Variants in PRKG1 observed in about 807,000 individuals in gnomAD.
PRKG1 encodes the protein cGMP-dependent protein kinase 1.
PRKG1 carries 35 observed loss-of-function variants against 88.1 expected under a neutral mutation model. That is an observed-to-expected ratio of 0.40 (90% CI 0.30 to 0.53). The LOEUF (loss-of-function observed/expected upper bound fraction) is 0.53. Among genes scored for constraint, PRKG1 ranks in the 20% least tolerant of loss-of-function variants. The pLI is 0.59. For missense variants in PRKG1, 540 were observed against 839.8 expected (o/e 0.64, Z 4.41); for synonymous variants, 303 against 292.5 (o/e 1.04, Z -0.37).
At chr10:51,325,874 T>C (rs1841578524) in intron 2 of PRKG1, among the ~76,000 whole-genome samples, 1 of 152,040 alleles carries the variant, frequency 6.6e-6, no homozygotes, top group African/African-American at 2.4e-5. Flanking sequence ...TCTACTGCAT[T>C]CCATCTGTGC....
intron 5 of PRKG1, among the ~76,000 whole-genome samples, chr10:52,043,762 A>ATG (rs1367102319): frequency 6.6e-6 from 1 of 151,988 alleles, no homozygotes; most frequent in Non-Finnish European, 1.5e-5. Flanking sequence ...AACATTACAC[A>ATG]TGTATATATA....
intron 3 of PRKG1, among the ~76,000 whole-genome samples, chr10:51,517,174 G>T (rs1047386855): frequency 2.6e-5 from 4 of 152,204 alleles, no homozygotes; most frequent in Non-Finnish European, 5.9e-5. Context: ...AAGATCAGAA[G>T]AAACAGTTAC....
chr10:51,477,222 G>C (rs760343758), intron 3 of PRKG1, among the ~76,000 whole-genome samples: 2 of 151,388 alleles, frequency 1.3e-5, no homozygotes, highest in Non-Finnish European at 2.9e-5. Flanking sequence ...ACTCTCTGGG[G>C]AGCATCACTG....
chr10:51,997,330 G>C (rs1167304849), intron 5 of PRKG1, among the ~76,000 whole-genome samples: 1 of 151,866 alleles, frequency 6.6e-6, no homozygotes, highest in Non-Finnish European at 1.5e-5. Context: ...AATTAGCTGG[G>C]CGTGGTGGTG....
intron 2 of PRKG1, among the ~76,000 whole-genome samples, chr10:51,258,105 C>T (rs537033305): frequency 3.3e-5 from 5 of 152,242 alleles, no homozygotes; most frequent in East Asian, 3.9e-4. Flanking sequence ...GAAGCACAGA[C>T]GGGAGCTAAT....
At position 52,270,538 on chromosome 10, in the gene PRKG1, C is replaced by T. The variant is rs1841695686; in HGVS notation, c.1174-812C>T. ...ATATACACCATGGAATACTATGCAG[C>T]CATAAAAAATGATGAGTTCATGTCC... On this transcript the variant is annotated intron_variant, in intron 10 of 17. Coordinates refer to ENST00000373980, the MANE Select transcript of PRKG1 (RefSeq NM_006258.4). 2.6e-5 allele frequency among the ~76,000 whole-genome samples: 4 copies of T among 151,932 alleles called. No individual in the cohort carries two copies. In the South Asian group the frequency reaches 8.3e-4, roughly 32 times the overall value.
chr10:51,464,605 G>A (rs1008492550), intron 2 of PRKG1, among the ~76,000 whole-genome samples: 35 of 152,024 alleles, frequency 2.3e-4, no homozygotes, highest in African/African-American at 8.2e-4. Context: ...TATAAGATAA[G>A]ATCAGGCCGG....
At chr10:51,771,638 A>G (rs1056926668) in intron 3 of PRKG1, among the ~76,000 whole-genome samples, 12 of 152,206 alleles carry the variant, frequency 7.9e-5, no homozygotes, top group African/African-American at 2.7e-4. Flanking sequence ...ATATAACATC[A>G]TTAAATAAAT....
intron 12 of PRKG1, among the ~76,000 whole-genome samples, chr10:52,275,809 G>T (rs1352710813): frequency 6.6e-6 from 1 of 152,124 alleles, no homozygotes; most frequent in Non-Finnish European, 1.5e-5. Flanking sequence ...CCACACATGA[G>T]CATGGGATGT....
intron 3 of PRKG1, among the ~76,000 whole-genome samples, chr10:51,481,086 C>T (rs1840341960): frequency 6.6e-6 from 1 of 151,918 alleles, no homozygotes; most frequent in Non-Finnish European, 1.5e-5. Flanking sequence ...TGAAAAAAGT[C>T]AATTTGCTAT....
intron 2 of PRKG1, among the ~76,000 whole-genome samples, chr10:51,167,096 G>A (rs1846566354): frequency 6.6e-6 from 1 of 152,112 alleles, no homozygotes; most frequent in African/African-American, 2.4e-5. Context: ...TGGTGATGGT[G>A]GCAGGGGAAA....
At chr10:51,090,377 C>A (rs1844371080) in intron 1 of PRKG1, among the ~76,000 whole-genome samples, 1 of 152,148 alleles carries the variant, frequency 6.6e-6, no homozygotes, top group Admixed American at 6.6e-5. Context: ...CTGAGTATGA[C>A]TCAGAGGAAG....
intron 8 of PRKG1, 94 bp from the exon 9 acceptor site, chr10:52,161,795 A>T: frequency 9.9e-7 from 1 of 1,011,210 alleles, no homozygotes; most frequent in Non-Finnish European, 1.5e-6. Flanking sequence ...ACTTTTCTTT[A>T]GATGTCTTTA....
rs936699751 is a variant in PRKG1 at position 51,616,234 on chromosome 10, G to A, written c.592+148398G>A. ...TGAGTATACACATCCTTGAGCACCA[G>A]GGTGGTGTATACCTGCACTGGAGCT... On this transcript the variant is annotated intron_variant, in intron 3 of 17. Coordinates refer to ENST00000373980, the MANE Select transcript of PRKG1 (RefSeq NM_006258.4). Among the ~76,000 whole-genome samples the A allele has an allele frequency of 7.9e-5, 12 of 152,198 alleles. 1 individual carries two copies. The highest frequency in any genetic ancestry group is 7.9e-4 in the Admixed American group (12 of 15,280).
At chr10:52,055,248 T>A (rs1226541598) in intron 6 of PRKG1, among the ~76,000 whole-genome samples, 1 of 152,242 alleles carries the variant, frequency 6.6e-6, no homozygotes, top group Non-Finnish European at 1.5e-5. Flanking sequence ...GGCCTAAATT[T>A]TAATCCTGTT....
At chr10:52,195,027 A>C (rs560479736) in intron 9 of PRKG1, among the ~76,000 whole-genome samples, 10 of 152,318 alleles carry the variant, frequency 6.6e-5, no homozygotes, top group African/African-American at 2.4e-4. Flanking sequence ...CACTTAAGTT[A>C]AATGCCTGAG....
At chr10:51,688,779 ATCAG>A (rs775326932) in intron 3 of PRKG1, among the ~76,000 whole-genome samples, 3 of 152,148 alleles carry the variant, frequency 2.0e-5, no homozygotes, top group Non-Finnish European at 2.9e-5. Flanking sequence ...TCATGCTAAT[ATCAG>A]TCAATCAATC....
chr10:51,896,474 T>G (rs978113422), intron 4 of PRKG1, among the ~76,000 whole-genome samples: 5 of 151,540 alleles, frequency 3.3e-5, no homozygotes, highest in Non-Finnish European at 7.4e-5. Context: ...TTTGGGAGGT[T>G]GAGGCAGAAG....
chr10:51,300,577 C>G (rs931611533), intron 2 of PRKG1, among the ~76,000 whole-genome samples: 7 of 152,190 alleles, frequency 4.6e-5, no homozygotes, highest in Non-Finnish European at 1.0e-4. Context: ...GTGTGGTTTA[C>G]TTTTGCAGCA....
Sources: gnomAD v4.1 joint callset for allele counts (sites outside exome capture counted in the v4.1 genomes callset) on GRCh38, gnomAD v4.1.1 for gene constraint, MANE v1.5 for transcripts, NCBI Gene and HGNC (gene_info 2026-07-23, HGNC 2026-07-21) for gene names.